Variants in MTMR10 observed in about 807,000 individuals in gnomAD.
The protein encoded by MTMR10 is myotubularin-related protein 10.
In MTMR10, 56 loss-of-function variants were observed where a neutral mutation model predicts 88.1. That is an observed-to-expected ratio of 0.64 (90% CI 0.51 to 0.79). The LOEUF (loss-of-function observed/expected upper bound fraction) is 0.79, where lower values mean the gene tolerates loss of function less well. Among genes scored for constraint, MTMR10 ranks in the 30% least tolerant of loss-of-function variants. MTMR10 has a pLI of 0.00. For synonymous variants in MTMR10, 380 were observed against 340.9 expected (o/e 1.11, Z -1.26); for missense variants, 883 against 924.7 (o/e 0.95, Z 0.58).
At chr15:30,986,219 A>C (rs1470150099) in intron 2 of MTMR10, among the ~76,000 whole-genome samples, 1 of 152,062 alleles carries the variant, frequency 6.6e-6, no homozygotes, top group Non-Finnish European at 1.5e-5. Context: ...TGGGAGGCTG[A>C]GCTGTGAGGA....
the MTMR10 span, chr15:30,930,465 C>T: frequency 6.7e-7 from 1 of 1,502,378 alleles, no homozygotes; most frequent in Non-Finnish European, 8.9e-7. Flanking sequence ...GAGCTTTTCT[C>T]CGTCTCGTGA....
At position 30,940,473 on chromosome 15, in the gene MTMR10, C is replaced by T; in HGVS notation, c.*997G>A. 1 of 985,402 alleles carries T rather than the reference C, an allele frequency of 1.0e-6. No individual in the cohort carries two copies. The highest frequency in any genetic ancestry group is 1.2e-6 in the Non-Finnish European group (1 of 829,936). 61.0% of individuals were successfully genotyped at this position (985,402 alleles called of 1,614,324 possible). A position where few individuals can be genotyped will look rare whatever the true frequency, so the allele number is the denominator to read the frequency against. On this transcript the variant is annotated 3_prime_UTR_variant, in exon 16 of 16. Coordinates refer to ENST00000435680, the MANE Select transcript of MTMR10 (RefSeq NM_017762.3). ...GAGAGAAGGACATCTGTGCAGGTGC[C>T]CAACTCGTAACCTCATTAGTTATTT...
chr15:30,984,085 A>G (rs2030775437), intron 2 of MTMR10, among the ~76,000 whole-genome samples: 1 of 152,270 alleles, frequency 6.6e-6, no homozygotes, highest in African/African-American at 2.4e-5. Flanking sequence ...AGGAAGCGGC[A>G]TGATTGAAGC....
intron 15 of MTMR10, chr15:30,942,411 G>A (rs2063086152): frequency 2.9e-6 from 1 of 341,382 alleles, no homozygotes; most frequent in South Asian, 5.5e-5. Flanking sequence ...ACTGAACAGA[G>A]GCAGTCAGGA....
intron 1 of MTMR10, 55 bp downstream of exon 1, chr15:30,991,392 A>T (rs1342541171): frequency 7.1e-7 from 1 of 1,407,582 alleles, no homozygotes; most frequent in African/African-American, 1.5e-5. Flanking sequence ...GTCGGCCTGG[A>T]GGCTCCACGG....
chr15:30,947,741 T>C (rs1295679308), intron 13 of MTMR10, among the ~76,000 whole-genome samples: 5 of 152,236 alleles, frequency 3.3e-5, no homozygotes, highest in African/African-American at 4.8e-5. Flanking sequence ...CTAGGTCACG[T>C]GGTGTGTCCC....
intron 6 of MTMR10, among the ~76,000 whole-genome samples, chr15:30,962,210 AT>A (rs2063411202): frequency 1.3e-5 from 2 of 152,220 alleles, no homozygotes; most frequent in South Asian, 4.1e-4. Flanking sequence ...TTCTGGGAGC[AT>A]GCTCACAGCC....
At position 30,951,895 on chromosome 15, in the gene MTMR10, G is replaced by C. The variant is rs1595916119; in HGVS notation, c.1207+73C>G. The C allele has an allele frequency of 4.0e-6, 5 of 1,257,102 alleles. No homozygotes were observed. In the Admixed American group the frequency reaches 8.8e-5, roughly 22 times the overall value. 77.9% of individuals were successfully genotyped at this position (1,257,102 alleles called of 1,614,324 possible). A position where few individuals can be genotyped will look rare whatever the true frequency, so the allele number is the denominator to read the frequency against. On this transcript the variant is annotated intron_variant, in intron 12 of 15. Transcript: ENST00000435680. Reference sequence around the variant, plus strand: ...TAGCTAAAACTGATGTGATTTACTTGAATGGGGACAAGCAGTAAACCAAGG... The same window carrying C: ...TAGCTAAAACTGATGTGATTTACTTCAATGGGGACAAGCAGTAAACCAAGG...
At chr15:30,928,948 C>A in the MTMR10 span, 1 of 337,818 alleles carries the variant, frequency 3.0e-6, no homozygotes, top group Non-Finnish European at 4.2e-6. Flanking sequence ...GGCACTGTGC[C>A]AAGGAGCTCA....
intron 6 of MTMR10, chr15:30,965,725 A>G (rs2063465021): frequency 3.8e-6 from 1 of 261,168 alleles, no homozygotes; most frequent in African/African-American, 2.2e-5. Context: ...TGACTGCAGG[A>G]CCTTTCAGAG....
Position 30,958,954 on chromosome 15 carries a change from AG to A in MTMR10, c.847-4del. On this transcript the variant is annotated splice_polypyrimidine_tract_variant and splice_region_variant and intron_variant, in intron 8 of 15. Transcript: ENST00000435680. ...TTAGAGTGGCTCCAGCACCAGAGCT[AG>A]GGGAGAGGTAGAATCCTTACTTCAC... 6.2e-7 allele frequency: 1 copy of A among 1,614,008 alleles called. No homozygotes were observed. Among genetic ancestry groups the A allele is most frequent in the South Asian group, 1.1e-5 (1 of 91,082 alleles).
At chr15:30,959,500 GCT>G (rs2063372519) in intron 7 of MTMR10, among the ~76,000 whole-genome samples, 1 of 152,160 alleles carries the variant, frequency 6.6e-6, no homozygotes, top group Non-Finnish European at 1.5e-5. Flanking sequence ...AGGAGCTTTA[GCT>G]CTCTTCTTAA....
intron 10 of MTMR10, among the ~76,000 whole-genome samples, chr15:30,954,488 G>A (rs993119041): frequency 1.3e-5 from 2 of 152,114 alleles, no homozygotes; most frequent in Non-Finnish European, 2.9e-5. Flanking sequence ...GTTCTACTCA[G>A]CAAATGCTTT....
At chr15:30,988,615 C>T (rs1010168131) in intron 2 of MTMR10, among the ~76,000 whole-genome samples, 1 of 152,166 alleles carries the variant, frequency 6.6e-6, no homozygotes, top group Admixed American at 6.5e-5. Flanking sequence ...GAATTGATAA[C>T]CCTCAGTGAG....
chr15:30,932,136 C>T, the MTMR10 span, among the ~76,000 whole-genome samples: 17 of 148,646 alleles, frequency 1.1e-4, no homozygotes, highest in African/African-American at 2.2e-4. Context: ...GCAGGAGAAT[C>T]GCTTGAACTC....
intron 1 of MTMR10, chr15:30,991,190 G>A (rs1047725278): frequency 1.2e-5 from 6 of 480,484 alleles, no homozygotes; most frequent in South Asian, 7.7e-5. Flanking sequence ...GCTCCCCTGG[G>A]CCTCAACACT....
chr15:30,968,066 G>T, intron 5 of MTMR10, 56 bp from the exon 6 acceptor site: 1 of 1,269,906 alleles, frequency 7.9e-7, no homozygotes, highest in Non-Finnish European at 1.1e-6. Context: ...TAAATGAAAT[G>T]TACAATAAGG....
chr15:30,986,514 C>G (rs531334706), intron 2 of MTMR10, among the ~76,000 whole-genome samples: 1 of 151,938 alleles, frequency 6.6e-6, no homozygotes, highest in East Asian at 1.9e-4. Context: ...ATTTTGTTAA[C>G]TTAAAAACTT....
intron 6 of MTMR10, among the ~76,000 whole-genome samples, chr15:30,966,465 T>G (rs911695313): frequency 2.6e-5 from 4 of 152,172 alleles, no homozygotes; most frequent in Non-Finnish European, 5.9e-5. Flanking sequence ...ATCATTTCTA[T>G]TGGAAAAACA....
Sources: allele counts gnomAD v4.1 joint callset (sites outside exome capture counted in the v4.1 genomes callset), GRCh38; gene constraint gnomAD v4.1.1; transcripts MANE v1.5; gene names NCBI Gene and HGNC (gene_info 2026-07-23, HGNC 2026-07-21).